FOXN3: variants seen among roughly 807,000 people sequenced by gnomAD.
The protein encoded by FOXN3 is forkhead box protein N3.
In FOXN3, 7 loss-of-function variants were observed where a neutral mutation model predicts 38.4. The ratio of observed to expected loss-of-function variants is 0.18; its 90% CI spans 0.10 to 0.34. The LOEUF is 0.34. Among genes scored for constraint, FOXN3 ranks in the 10% least tolerant of loss-of-function variants. The pLI is 1.00. For synonymous variants in FOXN3, 230 were observed against 242.2 expected (o/e 0.95, Z 0.47); for missense variants, 456 against 613.4 (o/e 0.74, Z 2.71).
At chr14:89,224,888 T>C (rs1000668461) in intron 4 of FOXN3, among the ~76,000 whole-genome samples, 6 of 152,222 alleles carry the variant, frequency 3.9e-5, no homozygotes, top group African/African-American at 1.4e-4. Context: ...CCCAGCACTT[T>C]GGGAGGCCGA....
chr14:89,252,944 A>G (rs1885505017), intron 4 of FOXN3, among the ~76,000 whole-genome samples: 1 of 152,164 alleles, frequency 6.6e-6, no homozygotes, highest in African/African-American at 2.4e-5. Flanking sequence ...TGCAGGAACC[A>G]AAGTGGGAAG....
Position 89,484,626 on chromosome 14 carries a change from T to G in FOXN3, c.-14-72136A>C, listed in dbSNP as rs775740977. Among the ~76,000 whole-genome samples, 1 of 152,100 alleles carries G rather than the reference T, an allele frequency of 6.6e-6. No homozygotes were observed. The highest frequency in any genetic ancestry group is 1.5e-5 in the Non-Finnish European group (1 of 68,022). ...ACCCCTGGCCTGGGCTTAGGAGGGG[T>G]GGCAACAATCTATTAGGCAATTTCT... On this transcript the variant is annotated intron_variant, in intron 1 of 6. Transcript: ENST00000345097. The surrounding 1 kb of genome is among the most constrained non-coding windows in gnomAD (Gnocchi z 4.0).
chr14:89,575,080 G>A (rs936835775), intron 1 of FOXN3, among the ~76,000 whole-genome samples: 3 of 152,164 alleles, frequency 2.0e-5, no homozygotes, highest in African/African-American at 7.2e-5. Context: ...TGAGAGCAAG[G>A]TTGTCTATAC....
rs192489110 is a variant in FOXN3 at position 89,368,423 on chromosome 14, A to T, written c.544-17615T>A. Among the ~76,000 whole-genome samples the T allele has an allele frequency of 3.1e-3, 474 of 152,142 alleles. 3 individuals are homozygous for T. The highest frequency in any genetic ancestry group is 1.3e-3 in the Non-Finnish European group (88 of 67,972). ...TTTGGGAGGCCAAGGAGGAAAGATC[A>T]CTTGAGCCCAGGAGTTCAAGACCAG... On this transcript the variant is annotated intron_variant, in intron 2 of 5. Coordinates refer to ENST00000557258, the MANE Select transcript of FOXN3 (RefSeq NM_005197.4).
intron 1 of FOXN3, among the ~76,000 whole-genome samples, chr14:89,544,391 T>C (rs540038744): frequency 2.6e-5 from 4 of 151,960 alleles, no homozygotes; most frequent in African/African-American, 9.7e-5. Context: ...TGGAATGTAA[T>C]AGCGTGATCA....
At chr14:89,604,510 T>C (rs765147332) in intron 1 of FOXN3, among the ~76,000 whole-genome samples, 2 of 151,934 alleles carry the variant, frequency 1.3e-5, no homozygotes, top group Non-Finnish European at 2.9e-5. Flanking sequence ...CATAGAAATA[T>C]AGAAATAGAA....
At chr14:89,450,301 C>A (rs142082469) in intron 1 of FOXN3, among the ~76,000 whole-genome samples, 13 of 152,166 alleles carry the variant, frequency 8.5e-5, no homozygotes, top group Non-Finnish European at 1.8e-4. Flanking sequence ...TCCATGGTGA[C>A]CTTGTCTTAA....
At chr14:89,180,898 G>A (rs893443636) in intron 4 of FOXN3, 92 bp from the exon 5 acceptor site, 25 of 1,034,706 alleles carry the variant, frequency 2.4e-5, no homozygotes, top group Non-Finnish European at 3.3e-5. Context: ...ACCAATAAGA[G>A]AGAGAGAGAG....
In FOXN3 at chr14:89,460,412, G is replaced by A. The variant is rs140314117; in HGVS notation, c.-14-47922C>T. ...TAACATCCCACACCTAGTTTCTTCC[G>A]GCATAACAAATGCCAATGATATGCA... On this transcript the variant is annotated intron_variant, in intron 1 of 6. Transcript: ENST00000345097. 6.9e-3 allele frequency among the ~76,000 whole-genome samples: 1,045 copies of A among 152,112 alleles called. 12 individuals carry two copies. Among genetic ancestry groups the A allele is most frequent in the South Asian group, 9.6e-3 (46 of 4,812 alleles).
intron 1 of FOXN3, among the ~76,000 whole-genome samples, chr14:89,500,741 G>C (rs1465535984): frequency 6.6e-6 from 1 of 152,236 alleles, no homozygotes; most frequent in Non-Finnish European, 1.5e-5. Context: ...CGGCTGGTGA[G>C]AGGTGGCTTT....
In FOXN3 at chr14:89,226,154, C is replaced by G. The variant is rs542845240; in HGVS notation, c.746-45348G>C. On this transcript the variant is annotated intron_variant, in intron 4 of 5. Coordinates refer to ENST00000557258, the MANE Select transcript of FOXN3 (RefSeq NM_005197.4). ...GAAGGAAATCTAGTTGTTTTCTGAC[C>G]ATTGATCTACCAAGGAGACATAAAA... Among the ~76,000 whole-genome samples, 31 of 146,214 alleles carry G rather than the reference C, an allele frequency of 2.1e-4. No individual in the cohort carries two copies. The South Asian group carries it at 3.8e-3, about 18-fold the overall frequency.
intron 2 of FOXN3, among the ~76,000 whole-genome samples, chr14:89,374,767 C>T (rs936388933): frequency 2.0e-5 from 3 of 151,482 alleles, no homozygotes; most frequent in Non-Finnish European, 2.9e-5. Flanking sequence ...GTTAAGAGTT[C>T]GAGACCAGCC....
chr14:89,564,949 CT>C (rs1895321455), intron 1 of FOXN3, among the ~76,000 whole-genome samples: 1 of 151,822 alleles, frequency 6.6e-6, no homozygotes, highest in South Asian at 2.1e-4. Context: ...ACAATATTAG[CT>C]GGGCGTGATG....
In FOXN3 at chr14:89,411,991, C is replaced by T; in HGVS notation, c.486G>A (p.Val162=). ...ANAPTGWKNS[V]RHNLSLNKCF... is the part of the protein sequence containing the mutation. ...ACTTATTCAATGATAAATTGTGTCT[C>T]ACTGAGTTTTTCCACCCAGTAGGTG... Residue 162 remains valine (V), a synonymous_variant, in exon 2 of 6, where the codon GTG becomes GTA. Coordinates refer to ENST00000557258, the MANE Select transcript of FOXN3 (RefSeq NM_005197.4). 1 of 1,597,942 alleles carries T rather than the reference C, an allele frequency of 6.3e-7. No individual in the cohort carries two copies. The highest frequency in any genetic ancestry group is 8.5e-7 in the Non-Finnish European group (1 of 1,170,832).
chr14:89,211,854 T>C (rs978784890), intron 4 of FOXN3, among the ~76,000 whole-genome samples: 6 of 152,188 alleles, frequency 3.9e-5, no homozygotes, highest in Non-Finnish European at 8.8e-5. Context: ...GGACTGAATG[T>C]TTATGTCTCC....
intron 3 of FOXN3, among the ~76,000 whole-genome samples, chr14:89,309,126 T>TA (rs899494357): frequency 1.3e-5 from 2 of 152,338 alleles, no homozygotes; most frequent in Admixed American, 6.5e-5. Flanking sequence ...CAAACTACGA[T>TA]ACACCAGGTT....
At chr14:89,583,008 T>C (rs1895775364) in intron 1 of FOXN3, among the ~76,000 whole-genome samples, 1 of 152,230 alleles carries the variant, frequency 6.6e-6, no homozygotes, top group African/African-American at 2.4e-5. Flanking sequence ...CCATTTGATT[T>C]CTCATTGGCC....
chr14:89,600,955 G>T (rs368679593), intron 1 of FOXN3, among the ~76,000 whole-genome samples: 1 of 152,176 alleles, frequency 6.6e-6, no homozygotes, highest in Non-Finnish European at 1.5e-5. Flanking sequence ...GAAATTCTAT[G>T]CCTTATTCCA....
chr14:89,499,944 G>A lies in FOXN3; in HGVS notation c.-14-87454C>T, dbSNP rs1439821755. On this transcript the variant is annotated intron_variant, in intron 1 of 6. Coordinates refer to the FOXN3 transcript ENST00000345097. ...TGCTCACCGCAACCTCCGCATCTCG[G>A]GTTCAAGTGATTCTCCTGCCTCAGC... Among the ~76,000 whole-genome samples, 3 of 152,198 alleles carry A rather than the reference G, an allele frequency of 2.0e-5. 1 individual carries two copies. Among genetic ancestry groups the A allele is most frequent in the Non-Finnish European group, 1.5e-5 (1 of 68,016 alleles).
Sources: gnomAD v4.1 joint callset for allele counts (sites outside exome capture counted in the v4.1 genomes callset) on GRCh38, gnomAD v4.1.1 for gene constraint, Gnocchi (gnomAD v3.1) non-coding constraint, MANE v1.5 for transcripts, NCBI Gene and HGNC (gene_info 2026-07-23, HGNC 2026-07-21) for gene names.